Variants in C10orf53 observed in about 807,000 individuals in gnomAD.
C10orf53 encodes UPF0728 protein C10orf53.
A neutral mutation model predicts 9.4 loss-of-function variants in C10orf53; 8 were observed. The ratio of observed to expected loss-of-function variants is 0.85; its 90% CI spans 0.50 to 1.53. The LOEUF (loss-of-function observed/expected upper bound fraction) is 1.53. C10orf53 is among the 40% of genes most tolerant of loss of function. The pLI is 0.00. For synonymous variants in C10orf53, 48 were observed against 46.0 expected (o/e 1.04, Z -0.18); for missense variants, 117 against 117.8 (o/e 0.99, Z 0.03).
chr10:49,685,946 C>T (rs903007835), intron 1 of C10orf53, among the ~76,000 whole-genome samples: 1 of 152,074 alleles, frequency 6.6e-6, no homozygotes, highest in Admixed American at 6.6e-5. Flanking sequence ...TCCTTTTCTC[C>T]TGGGACTTTC....
Position 49,694,825 on chromosome 10 carries a change from A to T in C10orf53, c.*223A>T. 2 of 1,368,670 alleles carry T rather than the reference A, an allele frequency of 1.5e-6. No homozygotes were observed. The highest frequency in any genetic ancestry group is 1.9e-6 in the Non-Finnish European group (2 of 1,062,888). The allele number at this position is 1,368,670 out of a possible 1,614,324, so 84.8% of individuals were successfully genotyped here. A position where few individuals can be genotyped will look rare whatever the true frequency, so the allele number is the denominator to read the frequency against. On this transcript the variant is annotated 3_prime_UTR_variant, in exon 3 of 3. Coordinates refer to ENST00000374111, the MANE Select transcript of C10orf53 (RefSeq NM_001042427.3). ...AACCACATCATTTATAACATGTCTC[A>T]ATCTCAACCCATAGGGAGAGCCCTC...
downstream of C10orf53, among the ~76,000 whole-genome samples, chr10:49,701,568 T>C (rs754774768): frequency 6.6e-6 from 1 of 152,174 alleles, no homozygotes; most frequent in Non-Finnish European, 1.5e-5. Context: ...TTTCTCACAG[T>C]TCCTCAAAGT....
chr10:49,704,804 T>G (rs540652434), intron 2 of C10orf53, among the ~76,000 whole-genome samples: 1 of 152,270 alleles, frequency 6.6e-6, no homozygotes, highest in East Asian at 1.9e-4. Context: ...TCTGTGTTGG[T>G]AAGGATGTGG....
At chr10:49,686,426 G>A (rs1840529217) in intron 1 of C10orf53, among the ~76,000 whole-genome samples, 1 of 152,172 alleles carries the variant, frequency 6.6e-6, no homozygotes, top group South Asian at 2.1e-4. Flanking sequence ...GTGATTTTCA[G>A]GGAATGAGGG....
chr10:49,690,937 G>A (rs1290467118), intron 1 of C10orf53, among the ~76,000 whole-genome samples: 2 of 152,158 alleles, frequency 1.3e-5, no homozygotes, highest in Non-Finnish European at 2.9e-5. Context: ...CACCAGCACC[G>A]GCAAGGAGGG....
rs148624952 is a variant in C10orf53, at chr10:49,691,889, G to A, written c.98-1885G>A. 1.5e-3 allele frequency among the ~76,000 whole-genome samples: 235 copies of A among 152,362 alleles called. 1 individual carries two copies. The highest frequency in any genetic ancestry group is 5.2e-3 in the African/African-American group (218 of 41,584). ...GGCACTGGGTGTTAACTGCCGAGTGGCAGCACCTTGCCTCACAGGTGGAGG... is the reference window on the plus strand; with the variant it reads ...GGCACTGGGTGTTAACTGCCGAGTGACAGCACCTTGCCTCACAGGTGGAGG... On this transcript the variant is annotated intron_variant, in intron 1 of 2. Transcript: ENST00000374111.
chr10:49,700,022 G>T (rs1406499144), downstream of C10orf53, among the ~76,000 whole-genome samples: 1 of 152,164 alleles, frequency 6.6e-6, no homozygotes, highest in Non-Finnish European at 1.5e-5. Flanking sequence ...TTTAGAGGAA[G>T]TTAAGAGCTG....
At chr10:49,685,848 T>C (rs1480738283) in intron 1 of C10orf53, among the ~76,000 whole-genome samples, 1 of 152,238 alleles carries the variant, frequency 6.6e-6, no homozygotes, top group Non-Finnish European at 1.5e-5. Context: ...GTTGAGCTTC[T>C]TGGATAGGTA....
At chr10:49,701,698 TC>T (rs371618591), downstream of C10orf53, among the ~76,000 whole-genome samples, 12 of 152,118 alleles carry the variant, frequency 7.9e-5, no homozygotes, top group African/African-American at 2.9e-4. Flanking sequence ...TATCAGGCCC[TC>T]CTTGAAGCCT....
exon 3 of C10orf53, chr10:49,708,424 T>G (rs1418200973): frequency 1.9e-6 from 3 of 1,614,188 alleles, no homozygotes; most frequent in Non-Finnish European, 2.5e-6. Flanking sequence ...TTTCACCAGC[T>G]TAGCAGCCCG....
chr10:49,704,651 G>A (rs1840709907), intron 2 of C10orf53, among the ~76,000 whole-genome samples: 1 of 152,154 alleles, frequency 6.6e-6, no homozygotes, highest in South Asian at 2.1e-4. Flanking sequence ...GGCCAAGGTG[G>A]GAGAATTGCT....
At chr10:49,690,318 A>G (rs1201612849) in intron 1 of C10orf53, among the ~76,000 whole-genome samples, 9 of 152,208 alleles carry the variant, frequency 5.9e-5, no homozygotes, top group Admixed American at 5.9e-4. Flanking sequence ...TCACCGCAGC[A>G]AAGCAGGGAG....
At chr10:49,704,075 A>G (rs1840705866) in intron 2 of C10orf53, among the ~76,000 whole-genome samples, 1 of 152,226 alleles carries the variant, frequency 6.6e-6, no homozygotes, top group Non-Finnish European at 1.5e-5. Flanking sequence ...CTTAAATGTA[A>G]TAAAGAAAAT....
At position 49,693,763 on chromosome 10, in the gene C10orf53, T is replaced by G. The variant is rs1153797; in HGVS notation, c.98-11T>G. The G allele has an allele frequency of 0.98, 1,575,798 of 1,612,488 alleles. 772,157 individuals carry two copies. The highest frequency in any genetic ancestry group is 0.99 in the Non-Finnish European group (1,172,951 of 1,178,930). On this transcript the variant is annotated splice_polypyrimidine_tract_variant and intron_variant, in intron 1 of 2. Coordinates refer to ENST00000374111, the MANE Select transcript of C10orf53 (RefSeq NM_001042427.3). ...CCCCATGTCACTCACCTCCTTTTCT[T>G]TCCTTCCCAGCTGTGTTGGCCATAG...
At chr10:49,685,887 G>A (rs576860807) in intron 1 of C10orf53, among the ~76,000 whole-genome samples, 6 of 152,294 alleles carry the variant, frequency 3.9e-5, no homozygotes, top group African/African-American at 1.4e-4. Flanking sequence ...AATTTGGGGA[G>A]TTTTCAGCCA....
chr10:49,703,077 A>G (rs7068126), intron 2 of C10orf53, among the ~76,000 whole-genome samples: 30,921 of 151,508 alleles, frequency 0.2, 3,964 homozygotes, highest in Non-Finnish European at 0.29. Flanking sequence ...CTTATTCTAC[A>G]CCTCTCGTGT....
At chr10:49,708,238 T>C in intron 2 of C10orf53, 1 of 1,417,386 alleles carries the variant, frequency 7.1e-7, no homozygotes, top group Non-Finnish European at 9.4e-7. Flanking sequence ...AGGAAATATA[T>C]TGGTTTGTAT....
At chr10:49,681,892 A>G (rs1209796263) in intron 1 of C10orf53, among the ~76,000 whole-genome samples, 1 of 152,108 alleles carries the variant, frequency 6.6e-6, no homozygotes, top group Non-Finnish European at 1.5e-5. Context: ...GGGCTTCCAT[A>G]TATGAAGTTG....
At chr10:49,694,339 C>T in intron 2 of C10orf53, 199 bp from the exon 3 acceptor site, 1 of 706,210 alleles carries the variant, frequency 1.4e-6, no homozygotes, top group Non-Finnish European at 2.3e-6. Flanking sequence ...TCTGGCCTGG[C>T]AGGCTGGCAC....
Sources: gnomAD v4.1 joint callset for allele counts (sites outside exome capture counted in the v4.1 genomes callset) on GRCh38, gnomAD v4.1.1 for gene constraint, MANE v1.5 for transcripts, NCBI Gene and HGNC (gene_info 2026-07-23, HGNC 2026-07-21) for gene names.